TMTC2: variants seen among roughly 807,000 people sequenced by gnomAD.
TMTC2 encodes transmembrane O-mannosyltransferase targeting cadherins 2.
Under a neutral mutation model 82.4 loss-of-function variants are expected in TMTC2, and 43 were observed. The ratio of observed to expected loss-of-function variants is 0.52; its 90% CI spans 0.41 to 0.67. TMTC2 has a LOEUF of 0.67. TMTC2 is among the 30% of genes least tolerant of loss of function. The probability of loss-of-function intolerance (pLI) is 0.00; values close to 1 mark genes in which losing one functional copy is unlikely to be tolerated. For missense variants in TMTC2, 919 were observed against 1,012.4 expected (o/e 0.91, Z 1.25); for synonymous variants, 408 against 381.9 (o/e 1.07, Z -0.80).
At chr12:83,129,303 A>G (rs924897398) in intron 11 of TMTC2, among the ~76,000 whole-genome samples, 1 of 152,180 alleles carries the variant, frequency 6.6e-6, no homozygotes, top group Non-Finnish European at 1.5e-5. Flanking sequence ...CGGTTATCCC[A>G]TGGTAACTAT....
chr12:83,093,104 CATGCACATGT>C, intron 11 of TMTC2, among the ~76,000 whole-genome samples: 1 of 151,982 alleles, frequency 6.6e-6, no homozygotes, highest in East Asian at 1.9e-4. Flanking sequence ...TGTGTGTGTG[CATGCACATGT>C]ATGTGCATGC....
At chr12:83,036,656 C>T (rs376999289) in intron 9 of TMTC2, among the ~76,000 whole-genome samples, 39 of 152,120 alleles carry the variant, frequency 2.6e-4, no homozygotes, top group African/African-American at 8.7e-4. Context: ...CTTTTAAATC[C>T]GGAACTTTCT....
intron 2 of TMTC2, among the ~76,000 whole-genome samples, chr12:82,876,142 G>GTATTAGTAA (rs1872554351): frequency 6.9e-6 from 1 of 145,790 alleles, no homozygotes; most frequent in South Asian, 2.1e-4. Flanking sequence ...GGTGGTGGTG[G>GTATTAGTAA]TGGTGGTGGT....
At chr12:83,031,666 T>C (rs922949077) in intron 9 of TMTC2, among the ~76,000 whole-genome samples, 1 of 152,206 alleles carries the variant, frequency 6.6e-6, no homozygotes, top group Admixed American at 6.5e-5. Context: ...GTAGTAAACT[T>C]AAAAGTGGAC....
intron 4 of TMTC2, among the ~76,000 whole-genome samples, chr12:82,954,276 T>C (rs1189238740): frequency 6.6e-6 from 1 of 152,132 alleles, no homozygotes; most frequent in East Asian, 1.9e-4. Flanking sequence ...TGGTCCTTTT[T>C]TTTCTCGTCT....
intron 1 of TMTC2, among the ~76,000 whole-genome samples, chr12:82,848,046 T>C (rs1870785507): frequency 1.3e-5 from 2 of 151,912 alleles, no homozygotes; most frequent in Admixed American, 6.6e-5. Context: ...TTCTAAGGAG[T>C]TAGCAATATA....
intron 8 of TMTC2, among the ~76,000 whole-genome samples, chr12:83,019,580 A>G (rs1319958853): frequency 6.6e-6 from 1 of 152,114 alleles, no homozygotes; most frequent in Non-Finnish European, 1.5e-5. Context: ...TCTCAAAACT[A>G]AGCTTATAAT....
chr12:83,055,705 G>GGGGT (rs1480261496), intron 10 of TMTC2, among the ~76,000 whole-genome samples: 9 of 147,874 alleles, frequency 6.1e-5, no homozygotes, highest in Non-Finnish European at 1.2e-4. Context: ...TAGTGGAAGG[G>GGGGT]GTGTGTGTGT....
chr12:82,690,346 A>G (rs1872524393), intron 1 of TMTC2: 1 of 985,270 alleles, frequency 1.0e-6, no homozygotes, highest in South Asian at 4.7e-5. Context: ...AGGAGAGGCC[A>G]GTGCCAGAAG....
At chr12:83,012,668 ATCT>A (rs1880511800) in intron 8 of TMTC2, among the ~76,000 whole-genome samples, 1 of 152,150 alleles carries the variant, frequency 6.6e-6, no homozygotes, top group Non-Finnish European at 1.5e-5. Flanking sequence ...GAAGAGTATG[ATCT>A]TCTGGCCATG....
At position 82,835,183 on chromosome 12, in the gene TMTC2, G is replaced by A. The variant is rs765758717; in HGVS notation, c.84-21827G>A. ...TGGCCTATTGTCATCATTTTAACTC[G>A]TAGCTATTATCACTATTAGTCCTGA... is the stretch of plus-strand genomic sequence containing the variant. On this transcript the variant is annotated intron_variant, in intron 1 of 11. Transcript: ENST00000321196. Among the ~76,000 whole-genome samples, 23 of 152,216 alleles carry A rather than the reference G, an allele frequency of 1.5e-4. No homozygotes were observed. In the South Asian group the frequency reaches 1.9e-3, roughly 12 times the overall value.
intron 1 of TMTC2, among the ~76,000 whole-genome samples, chr12:82,785,079 A>G (rs1392194565): frequency 6.6e-6 from 1 of 152,052 alleles, no homozygotes; most frequent in Non-Finnish European, 1.5e-5. Flanking sequence ...TCTCTTAAAG[A>G]TGTAGTCATG....
chr12:83,082,305 A>G (rs181134724), intron 11 of TMTC2, among the ~76,000 whole-genome samples: 2 of 152,208 alleles, frequency 1.3e-5, no homozygotes, highest in African/African-American at 4.8e-5. Context: ...CTAGGCTCTG[A>G]GAAGAACCAG....
At chr12:82,937,771 T>TATAC (rs1876442164) in intron 4 of TMTC2, among the ~76,000 whole-genome samples, 1 of 24,018 alleles carries the variant, frequency 4.2e-5, no homozygotes, top group African/African-American at 1.3e-4. Context: ...TATATATATA[T>TATAC]ATATATATAT....
chr12:83,002,885 T>C (rs1165909042), intron 8 of TMTC2, among the ~76,000 whole-genome samples: 1 of 152,102 alleles, frequency 6.6e-6, no homozygotes, highest in Non-Finnish European at 1.5e-5. Flanking sequence ...TCTGTGGTTG[T>C]TGGGTGTAAT....
At chr12:83,068,033 T>G (rs1882980964) in intron 11 of TMTC2, among the ~76,000 whole-genome samples, 1 of 152,070 alleles carries the variant, frequency 6.6e-6, no homozygotes, top group South Asian at 2.1e-4. Flanking sequence ...TTTGGGCTCT[T>G]TAGCAATGAT....
chr12:82,837,407 A>G (rs563158149), intron 1 of TMTC2, among the ~76,000 whole-genome samples: 1 of 152,286 alleles, frequency 6.6e-6, no homozygotes, highest in Non-Finnish European at 1.5e-5. Flanking sequence ...CAGGCATTCA[A>G]ATCTAGCCTG....
chr12:82,986,731 C>T (rs1340028671), intron 8 of TMTC2, among the ~76,000 whole-genome samples: 8 of 152,238 alleles, frequency 5.3e-5, no homozygotes, highest in East Asian at 1.9e-4. Flanking sequence ...CACCATTTCA[C>T]GAAAGTGACA....
At chr12:83,051,388 G>A (rs768501835) in intron 10 of TMTC2, among the ~76,000 whole-genome samples, 7 of 151,944 alleles carry the variant, frequency 4.6e-5, no homozygotes, top group Non-Finnish European at 8.8e-5. Flanking sequence ...GTGGCCCAGG[G>A]AAGCCAAAAG....
Sources: gnomAD v4.1 joint callset for allele counts (sites outside exome capture counted in the v4.1 genomes callset) on GRCh38, gnomAD v4.1.1 for gene constraint, MANE v1.5 for transcripts, NCBI Gene and HGNC (gene_info 2026-07-23, HGNC 2026-07-21) for gene names.